Variants in UGT2B17 observed in about 807,000 individuals in gnomAD.
UGT2B17 encodes UDP glucuronosyltransferase family 2 member B17.
Under a neutral mutation model 48.2 loss-of-function variants are expected in UGT2B17, and 21 were observed. That is an observed-to-expected ratio of 0.44 (90% confidence interval 0.31 to 0.63). The LOEUF (loss-of-function observed/expected upper bound fraction) is 0.63. UGT2B17 is among the 20% of genes least tolerant of loss of function. The probability of loss-of-function intolerance (pLI) is 0.08; values close to 1 mark genes in which losing one functional copy is unlikely to be tolerated. For missense variants in UGT2B17, 402 were observed against 696.1 expected, an observed-to-expected ratio of 0.58 and a Z score of 4.75; for synonymous variants, 146 against 238.4, an observed-to-expected ratio of 0.61 and a Z score of 3.57.
At chr4:68,544,757 A>T (rs1000834502) in intron 6 of UGT2B17, among the ~76,000 whole-genome samples, 2 of 125,652 alleles carry the variant, frequency 1.6e-5, no homozygotes, top group African/African-American at 5.4e-5. Context: ...AAGATCTACC[A>T]AGCAAATGGA....
chr4:68,548,986 A>G (rs1319224678), intron 6 of UGT2B17, among the ~76,000 whole-genome samples: 1 of 125,644 alleles, frequency 8.0e-6, no homozygotes, highest in Non-Finnish European at 1.7e-5. Context: ...TATTTATAGA[A>G]TACCCTTTAT....
chr4:68,541,638 C>G (rs929403808), intron 6 of UGT2B17, among the ~76,000 whole-genome samples: 1 of 126,300 alleles, frequency 7.9e-6, no homozygotes, highest in Non-Finnish European at 1.7e-5. Context: ...TGCAGAAGCT[C>G]TTTAGTTTAA....
At position 68,559,652 on chromosome 4, in the gene UGT2B17, A is replaced by G. The variant is rs1295939950; in HGVS notation, c.1005+885T>C. Among the ~76,000 whole-genome samples, 5 of 126,498 alleles carry G rather than the reference A, an allele frequency of 4.0e-5. 2 individuals carry two copies. The highest frequency in any genetic ancestry group is 5.4e-5 in the African/African-American group (2 of 36,890). 83.0% of individuals were successfully genotyped at this position (126,498 alleles called of 152,430 possible). A position where few individuals can be genotyped will look rare whatever the true frequency, so the allele number is the denominator to read the frequency against. On this transcript the variant is annotated intron_variant, in intron 4 of 6. Coordinates refer to ENST00000317746, the MANE Select transcript of UGT2B17 (RefSeq NM_001077.4). ...AGATCATTCAGAGAGGGCTATGCAG[A>G]TAAGAAAGTAAAACGTAAATTGAAA...
rs1366223617 is a variant in UGT2B17 at position 68,553,153 on chromosome 4, T to C, written c.1006-1242A>G. ...TATTTTTTTTGTACATTCCAGTATT[T>C]CTCCCATCAGATTTGACAAACTTTA... On this transcript the variant is annotated intron_variant, in intron 4 of 6. Coordinates refer to ENST00000317746, the MANE Select transcript of UGT2B17 (RefSeq NM_001077.4). 1.6e-5 allele frequency among the ~76,000 whole-genome samples: 2 copies of C among 125,758 alleles called. 1 individual carries two copies. The highest frequency in any genetic ancestry group is 3.4e-5 in the Non-Finnish European group (2 of 59,434). The allele number at this position is 125,758 out of a possible 152,430, so 82.5% of individuals were successfully genotyped here.
rs1730602604 is a variant in UGT2B17, at chr4:68,538,831, G to C, written c.1314-927C>G. Among the ~76,000 whole-genome samples the C allele has an allele frequency of 1.6e-5, 2 of 125,798 alleles. 1 individual carries two copies. The highest frequency in any genetic ancestry group is 7.4e-4 in the South Asian group (2 of 2,690). The allele number at this position is 125,798 out of a possible 152,430, so 82.5% of individuals were successfully genotyped here. ...TTTCTTCTAGAGACAATGGCCTTCTGTTGTTCTTTAAACTCCTGAAGGTGT... is the reference window on the plus strand; with the variant it reads ...TTTCTTCTAGAGACAATGGCCTTCTCTTGTTCTTTAAACTCCTGAAGGTGT... On this transcript the variant is annotated intron_variant, in intron 6 of 6. Coordinates refer to ENST00000317746, the MANE Select transcript of UGT2B17 (RefSeq NM_001077.4).
At chr4:68,545,976 G>C (rs1378902070) in intron 6 of UGT2B17, among the ~76,000 whole-genome samples, 1 of 125,888 alleles carries the variant, frequency 7.9e-6, no homozygotes, top group South Asian at 3.7e-4. Flanking sequence ...TGGATTCACA[G>C]CTGAATTCTA....
In UGT2B17 at chr4:68,574,430, C is replaced by T. The variant is rs1731338294; in HGVS notation, c.-65+1521G>A. Among the ~76,000 whole-genome samples the T allele has an allele frequency of 1.6e-5, 2 of 126,456 alleles. 1 individual carries two copies. The highest frequency in any genetic ancestry group is 1.6e-4 in the Admixed American group (2 of 12,440). The allele number at this position is 126,456 out of a possible 152,430, so 83.0% of individuals were successfully genotyped here. Reference sequence around the variant, plus strand: ...GTAAGATTTTATAGACTCTGTTTAACCTTTTACAATTTTTGTTAAAGAGCA... The same window carrying T: ...GTAAGATTTTATAGACTCTGTTTAATCTTTTACAATTTTTGTTAAAGAGCA... On this transcript the variant is annotated intron_variant, in intron 1 of 6. Coordinates refer to ENST00000317746, the MANE Select transcript of UGT2B17 (RefSeq NM_001077.4).
intron 3 of UGT2B17, among the ~76,000 whole-genome samples, chr4:68,561,943 C>A (rs1731111130): frequency 8.2e-6 from 1 of 122,232 alleles, no homozygotes; most frequent in African/African-American, 2.8e-5. Flanking sequence ...AATGACCAAC[C>A]CCTTCTATCA....
rs1260867558 is a variant in UGT2B17, at chr4:68,537,570, G to T, written c.*55C>A. 1.5e-5 allele frequency: 19 copies of T among 1,255,316 alleles called. 4 individuals carry two copies. Among genetic ancestry groups the T allele is most frequent in the Non-Finnish European group, 1.9e-5 (19 of 978,134 alleles). 77.8% of individuals were successfully genotyped at this position (1,255,316 alleles called of 1,614,324 possible). A position where few individuals can be genotyped will look rare whatever the true frequency, so the allele number is the denominator to read the frequency against. ...TCCTCCATTTAAAACCCTCCATGCTGGAATAAAGGAGGAGTCCCATCTTTT... is the reference window on the plus strand; with the variant it reads ...TCCTCCATTTAAAACCCTCCATGCTTGAATAAAGGAGGAGTCCCATCTTTT... On this transcript the variant is annotated 3_prime_UTR_variant, in exon 7 of 7. Transcript: ENST00000317746.
chr4:68,563,357 C>A lies in UGT2B17; in HGVS notation c.873+2215G>T, dbSNP rs549888374. ...GGGCACGGAGGCTCACACTTGTAAT[C>A]CCAGCACTTTGGAAGGTTGAGGCAA... is the stretch of plus-strand genomic sequence containing the variant. On this transcript the variant is annotated intron_variant, in intron 3 of 6. Transcript: ENST00000317746. Among the ~76,000 whole-genome samples, 5 of 127,294 alleles carry A rather than the reference C, an allele frequency of 3.9e-5. 2 individuals carry two copies. Among genetic ancestry groups the A allele is most frequent in the Non-Finnish European group, 8.4e-5 (5 of 59,836 alleles). 83.5% of individuals were successfully genotyped at this position (127,294 alleles called of 152,430 possible).
At position 68,564,925 on chromosome 4, in the gene UGT2B17, C is replaced by G. The variant is rs1451575306; in HGVS notation, c.873+647G>C. ...GTTTTACCATGTTGCCCAGGCTGGT[C>G]TCAAACTCCTGAGCCCAAGCAATCG... is the stretch of plus-strand genomic sequence containing the variant. On this transcript the variant is annotated intron_variant, in intron 3 of 6. Coordinates refer to ENST00000317746, the MANE Select transcript of UGT2B17 (RefSeq NM_001077.4). Among the ~76,000 whole-genome samples, 2 of 124,846 alleles carry G rather than the reference C, an allele frequency of 1.6e-5. 1 individual carries two copies. Among genetic ancestry groups the G allele is most frequent in the Non-Finnish European group, 3.4e-5 (2 of 59,232 alleles). 81.9% of individuals were successfully genotyped at this position (124,846 alleles called of 152,430 possible).
At position 68,554,853 on chromosome 4, in the gene UGT2B17, G is replaced by A; in HGVS notation, c.1006-2942C>T. Among the ~76,000 whole-genome samples the A allele has an allele frequency of 1.6e-5, 2 of 125,342 alleles. 1 individual carries two copies. The highest frequency in any genetic ancestry group is 3.4e-5 in the Non-Finnish European group (2 of 59,284). 82.2% of individuals were successfully genotyped at this position (125,342 alleles called of 152,430 possible). On this transcript the variant is annotated intron_variant, in intron 4 of 6. Coordinates refer to ENST00000317746, the MANE Select transcript of UGT2B17 (RefSeq NM_001077.4). ...TATTGAAACAGGTTATCAAGAATTT[G>A]AAAGTCTAATATGGCAAAGAGGAGT...
intron 2 of UGT2B17, among the ~76,000 whole-genome samples, chr4:68,566,553 C>G (rs187515201): frequency 3.1e-5 from 4 of 129,396 alleles, no homozygotes; most frequent in African/African-American, 1.1e-4. Context: ...TCTGGTATTT[C>G]CCCTGCTTGC....
At chr4:68,562,431 G>C (rs1385668216) in intron 3 of UGT2B17, among the ~76,000 whole-genome samples, 1 of 126,058 alleles carries the variant, frequency 7.9e-6, no homozygotes, top group African/African-American at 2.7e-5. Flanking sequence ...GTTTTAATTG[G>C]AGATTCAGTG....
rs1435244732 is a variant in UGT2B17, at chr4:68,555,285, C to T, written c.1006-3374G>A. On this transcript the variant is annotated intron_variant, in intron 4 of 6. Transcript: ENST00000317746. ...CAAGCCCAAAACAGAATGATCTTCA[C>T]TTGTGTAATTTTTAATAAATAAGAC... Among the ~76,000 whole-genome samples, 33 of 125,912 alleles carry T rather than the reference C, an allele frequency of 2.6e-4. 9 individuals carry two copies. Among genetic ancestry groups the T allele is most frequent in the African/African-American group, 8.9e-4 (33 of 37,150 alleles). 82.6% of individuals were successfully genotyped at this position (125,912 alleles called of 152,430 possible).
chr4:68,553,122 T>C lies in UGT2B17; in HGVS notation c.1006-1211A>G, dbSNP rs1326831683. On this transcript the variant is annotated intron_variant, in intron 4 of 6. Coordinates refer to ENST00000317746, the MANE Select transcript of UGT2B17 (RefSeq NM_001077.4). ...TTACAGTGCTTAATGATCACATTTT[T>C]GGGAGTATTTTTTTTGTACATTCCA... Among the ~76,000 whole-genome samples, 75 of 125,896 alleles carry C rather than the reference T, an allele frequency of 6.0e-4. 20 individuals carry two copies. The highest frequency in any genetic ancestry group is 2.2e-3 in the South Asian group (6 of 2,686). The allele number at this position is 125,896 out of a possible 152,430, so 82.6% of individuals were successfully genotyped here. A position where few individuals can be genotyped will look rare whatever the true frequency, so the allele number is the denominator to read the frequency against.
rs1354654997 is a variant in UGT2B17 at position 68,547,665 on chromosome 4, C to A, written c.1313+3012G>T. Among the ~76,000 whole-genome samples the A allele has an allele frequency of 1.6e-5, 2 of 125,986 alleles. 1 individual carries two copies. The highest frequency in any genetic ancestry group is 1.5e-3 in the East Asian group (2 of 1,312). 82.7% of individuals were successfully genotyped at this position (125,986 alleles called of 152,430 possible). ...CCTACAGAATGGGAGAACATTTTTG[C>A]AATCTACTCATCTGACAAAGGGCTA... is the stretch of plus-strand genomic sequence containing the variant. On this transcript the variant is annotated intron_variant, in intron 6 of 6. Coordinates refer to ENST00000317746, the MANE Select transcript of UGT2B17 (RefSeq NM_001077.4).
At position 68,567,847 on chromosome 4, in the gene UGT2B17, T is replaced by C. The variant is rs1392968923; in HGVS notation, c.638A>G (p.Lys213Arg). The stretch of plus-strand genomic sequence containing the variant: ...AAAATAAAGCATATATATCATATTT[T>C]TTATCCTCTCCATGAAAATCATTTG... ...SDQMIFMERI[K>R]NMIYMLYFDF... Residue 213 changes from lysine (K) to arginine (R), a missense_variant, in exon 2 of 7, where the codon AAA (lysine) becomes AGA (arginine). Lys to Arg is a conservative substitution (Grantham distance 26). Around this residue, in one of 5 missense-constraint regions of UGT2B17, gnomAD observed 106 missense variants for 169.8 expected, o/e 0.62. Transcript: ENST00000317746. 11 of 1,376,598 alleles carry C rather than the reference T, an allele frequency of 8.0e-6. 4 individuals are homozygous for C. Among genetic ancestry groups the C allele is most frequent in the Non-Finnish European group, 9.5e-6 (10 of 1,053,812 alleles). The allele number at this position is 1,376,598 out of a possible 1,614,324, so 85.3% of individuals were successfully genotyped here. A position where few individuals can be genotyped will look rare whatever the true frequency, so the allele number is the denominator to read the frequency against.
rs527756030 is a variant in UGT2B17, at chr4:68,561,840, C to G, written c.874-1172G>C. On this transcript the variant is annotated intron_variant, in intron 3 of 6. Transcript: ENST00000317746. ...AGAAAGAGGAAAAGAAATGTAGACT[C>G]ATAAGTTTCCCGGATATCATATCAA... Among the ~76,000 whole-genome samples the G allele has an allele frequency of 3.1e-4, 37 of 119,892 alleles. 9 individuals carry two copies. The highest frequency in any genetic ancestry group is 1.0e-3 in the African/African-American group (35 of 34,920). The allele number at this position is 119,892 out of a possible 152,430, so 78.7% of individuals were successfully genotyped here. A position where few individuals can be genotyped will look rare whatever the true frequency, so the allele number is the denominator to read the frequency against.
Sources: gnomAD v4.1 joint callset for allele counts (sites outside exome capture counted in the v4.1 genomes callset) on GRCh38, gnomAD v4.1.1 for gene constraint, gnomAD v4.1.1 regional missense constraint, MANE v1.5 for transcripts, NCBI Gene and HGNC (gene_info 2026-07-23, HGNC 2026-07-21) for gene names.